The following CNTN5 variants were observed in gnomAD, a reference collection of about 807,000 sequenced individuals.
CNTN5 encodes contactin-5.
In CNTN5, 77 loss-of-function variants were observed where a neutral mutation model predicts 129.1. The observed-to-expected ratio is 0.60, with a 90% CI of 0.50 to 0.72. CNTN5 has a LOEUF of 0.72. Ranked by LOEUF, CNTN5 falls within the 30% of genes least tolerant of loss-of-function variation. The pLI, the probability that CNTN5 is intolerant of heterozygous loss-of-function variation, is 0.00. For synonymous variants in CNTN5, 509 were observed against 465.6 expected (o/e 1.09, Z -1.20); for missense variants, 1,478 against 1,328.8 (o/e 1.11, Z -1.75).
intron 13 of CNTN5, among the ~76,000 whole-genome samples, chr11:100,085,055 G>A (rs1467003987): frequency 6.6e-6 from 1 of 152,060 alleles, no homozygotes; most frequent in Non-Finnish European, 1.5e-5. Context: ...GAAGAGAGGG[G>A]TGGTGGGATA....
chr11:100,342,871 G>A (rs956450585), intron 23 of CNTN5, among the ~76,000 whole-genome samples: 1 of 152,092 alleles, frequency 6.6e-6, no homozygotes, highest in Non-Finnish European at 1.5e-5. Flanking sequence ...GATTCAGACA[G>A]ATTTTAGTTC....
At chr11:99,060,508 C>T (rs1399147723) in intron 1 of CNTN5, among the ~76,000 whole-genome samples, 1 of 151,874 alleles carries the variant, frequency 6.6e-6, no homozygotes. Flanking sequence ...AATTAACTAG[C>T]TTATTATCAG....
chr11:99,747,106 A>G (rs1333438711), intron 3 of CNTN5, among the ~76,000 whole-genome samples: 1 of 152,088 alleles, frequency 6.6e-6, no homozygotes, highest in Non-Finnish European at 1.5e-5. Flanking sequence ...TCATCAATGT[A>G]TTGTAGTTTC....
At chr11:99,964,478 T>G (rs1294082102) in intron 8 of CNTN5, among the ~76,000 whole-genome samples, 1 of 152,216 alleles carries the variant, frequency 6.6e-6, no homozygotes, top group Non-Finnish European at 1.5e-5. Context: ...TTGCGTATAT[T>G]GAACCAGCCT....
intron 16 of CNTN5, among the ~76,000 whole-genome samples, chr11:100,231,151 G>A (rs1949479230): frequency 6.6e-6 from 1 of 152,160 alleles, no homozygotes; most frequent in Admixed American, 6.5e-5. Context: ...GCTATGGGAA[G>A]GAGTTTAACT....
intron 3 of CNTN5, among the ~76,000 whole-genome samples, chr11:99,707,111 T>C (rs1954789527): frequency 6.6e-6 from 1 of 151,536 alleles, no homozygotes; most frequent in Non-Finnish European, 1.5e-5. Context: ...TGTTATCTTC[T>C]GAAATACTGC....
At chr11:99,442,732 G>C (rs1214180552) in intron 2 of CNTN5, among the ~76,000 whole-genome samples, 1 of 152,152 alleles carries the variant, frequency 6.6e-6, no homozygotes, top group Non-Finnish European at 1.5e-5. Context: ...CCCAAATCCT[G>C]CACTTTAAAC....
intron 1 of CNTN5, among the ~76,000 whole-genome samples, chr11:99,083,595 GA>G (rs948803168): frequency 1.5e-4 from 22 of 150,552 alleles, no homozygotes; most frequent in Non-Finnish European, 2.5e-4. Context: ...TTTTTTTAAA[GA>G]AAAAAAAAGT....
intron 20 of CNTN5, among the ~76,000 whole-genome samples, chr11:100,300,373 G>T (rs1050493112): frequency 2.6e-5 from 4 of 151,308 alleles, no homozygotes; most frequent in Admixed American, 6.6e-5. Context: ...AATGAGAAAA[G>T]GAAAAGACAG....
At chr11:99,262,078 G>A (rs147670521) in intron 1 of CNTN5, among the ~76,000 whole-genome samples, 1 of 152,146 alleles carries the variant, frequency 6.6e-6, no homozygotes, top group East Asian at 1.9e-4. Flanking sequence ...TGAGATTCAT[G>A]ACATTTCCTC....
chr11:100,308,839 T>C (rs1428160478), intron 21 of CNTN5: 2 of 987,438 alleles, frequency 2.0e-6, no homozygotes, highest in Non-Finnish European at 2.4e-6. Context: ...TTGTACTTTA[T>C]TGGTATCTCT....
At chr11:100,184,817 A>T (rs1355647665) in intron 13 of CNTN5, among the ~76,000 whole-genome samples, 4 of 152,174 alleles carry the variant, frequency 2.6e-5, no homozygotes, top group Non-Finnish European at 5.9e-5. Context: ...TTTCTTATTA[A>T]TAAGTTGATA....
intron 1 of CNTN5, among the ~76,000 whole-genome samples, chr11:99,195,775 GT>G (rs953674339): frequency 6.6e-6 from 1 of 151,880 alleles, no homozygotes; most frequent in African/African-American, 2.4e-5. Context: ...AAATTTGTGG[GT>G]GTTTGCAGTA....
intron 6 of CNTN5, among the ~76,000 whole-genome samples, chr11:99,895,457 A>G (rs545609088): frequency 5.9e-5 from 9 of 152,318 alleles, no homozygotes; most frequent in African/African-American, 2.2e-4. Flanking sequence ...TGCCTTTCTC[A>G]TGGAAAGGAA....
chr11:99,585,378 A>G (rs1292504365), intron 3 of CNTN5, among the ~76,000 whole-genome samples: 1 of 152,180 alleles, frequency 6.6e-6, no homozygotes, highest in Non-Finnish European at 1.5e-5. Context: ...TGGTTGAATG[A>G]AAAAAGGTAG....
intron 1 of CNTN5, among the ~76,000 whole-genome samples, chr11:99,021,554 G>C (rs1334292049): frequency 6.6e-6 from 1 of 152,066 alleles, no homozygotes; most frequent in Non-Finnish European, 1.5e-5. Context: ...ATTCCTACAC[G>C]CAAATTGCAA....
At chr11:100,063,706 TA>T (rs35896237) in intron 10 of CNTN5, among the ~76,000 whole-genome samples, 47,550 of 115,184 alleles carry the variant, frequency 0.41, 9,211 homozygotes, top group East Asian at 0.56. Flanking sequence ...AACCTGTCTC[TA>T]AAAAAAAAAA....
intron 2 of CNTN5, among the ~76,000 whole-genome samples, chr11:99,423,105 A>G (rs1362217652): frequency 6.6e-6 from 1 of 152,214 alleles, no homozygotes; most frequent in Non-Finnish European, 1.5e-5. Context: ...AGCCAAGCAG[A>G]TACATATCAT....
intron 6 of CNTN5, among the ~76,000 whole-genome samples, chr11:99,882,394 G>A (rs2135863456): frequency 6.6e-6 from 1 of 151,996 alleles, no homozygotes; most frequent in South Asian, 2.1e-4. Flanking sequence ...TGCTAAAAAT[G>A]AACTTTGAGC....
Sources: allele counts gnomAD v4.1 joint callset (sites outside exome capture counted in the v4.1 genomes callset), GRCh38; gene constraint gnomAD v4.1.1; transcripts MANE v1.5; gene names NCBI Gene and HGNC (gene_info 2026-07-23, HGNC 2026-07-21).